The following RYR2 variants were observed in gnomAD, a reference collection of about 807,000 sequenced individuals.
RYR2 encodes the protein ryanodine receptor 2.
Under a neutral mutation model 601.1 loss-of-function variants are expected in RYR2, and 227 were observed. The observed-to-expected ratio is 0.38, with a 90% confidence interval of 0.34 to 0.42. The LOEUF (loss-of-function observed/expected upper bound fraction) is 0.42. Among genes scored for constraint, RYR2 ranks in the 10% least tolerant of loss-of-function variants. The pLI, the probability that RYR2 is intolerant of heterozygous loss-of-function variation, is 1.00. For synonymous variants in RYR2, 2,223 were observed against 2,175.1 expected, an observed-to-expected ratio of 1.02 and a Z score of -0.61; for missense variants, 4,646 against 6,156.5, an observed-to-expected ratio of 0.75 and a Z score of 8.21.
chr1:237,398,520 A>G (rs1405137652), intron 10 of RYR2, among the ~76,000 whole-genome samples: 2 of 152,240 alleles, frequency 1.3e-5, no homozygotes, highest in Non-Finnish European at 2.9e-5. Context: ...CAGCATTATG[A>G]CCCATTATAG....
intron 1 of RYR2, among the ~76,000 whole-genome samples, chr1:237,096,238 C>T (rs1045179903): frequency 6.6e-6 from 1 of 152,126 alleles, no homozygotes; most frequent in African/African-American, 2.4e-5. Context: ...GAGTGCTGTC[C>T]AATTGCCAGT....
intron 1 of RYR2, among the ~76,000 whole-genome samples, chr1:237,161,700 T>C (rs1212783975): frequency 6.6e-6 from 1 of 152,154 alleles, no homozygotes. Context: ...CAAATATTCT[T>C]ATTAATTAAA....
At chr1:237,659,401 A>T (rs192785372) in intron 54 of RYR2, among the ~76,000 whole-genome samples, 14 of 152,332 alleles carry the variant, frequency 9.2e-5, no homozygotes, top group Admixed American at 8.5e-4. Context: ...ACAAGAAATT[A>T]TATAGGGAAA....
intron 3 of RYR2, among the ~76,000 whole-genome samples, chr1:237,341,461 C>A (rs1226867820): frequency 6.6e-6 from 1 of 152,142 alleles, no homozygotes; most frequent in Non-Finnish European, 1.5e-5. Flanking sequence ...AACACTCCTT[C>A]CTGCATTTTT....
chr1:237,832,776 C>G lies in RYR2; in HGVS notation c.*129C>G, dbSNP rs16835891. On this transcript the variant is annotated 3_prime_UTR_variant, in exon 105 of 105. Transcript: ENST00000366574. ...AGCGTTGTGTGTTTTCTGGGAGCAT[C>G]GAAGCTCTGTTTCGGAAGAGCTGTT... 18,538 of 552,284 alleles carry G rather than the reference C, an allele frequency of 0.034. 426 individuals carry two copies. Among genetic ancestry groups the G allele is most frequent in the African/African-American group, 0.072 (3,789 of 52,776 alleles). 34.2% of individuals were successfully genotyped at this position (552,284 alleles called of 1,614,324 possible).
chr1:237,175,302 C>T (rs1472681407), intron 1 of RYR2, among the ~76,000 whole-genome samples: 1 of 152,068 alleles, frequency 6.6e-6, no homozygotes. Flanking sequence ...ATAATTTCTC[C>T]TCTTTATTTT....
chr1:237,111,543 G>A (rs909304503), intron 1 of RYR2, among the ~76,000 whole-genome samples: 2 of 149,048 alleles, frequency 1.3e-5, no homozygotes, highest in Non-Finnish European at 3.0e-5. Context: ...AGCTGAGGTC[G>A]TGCCGCTGCA....
At chr1:237,253,573 C>G (rs1687679280) in intron 1 of RYR2, among the ~76,000 whole-genome samples, 1 of 152,210 alleles carries the variant, frequency 6.6e-6, no homozygotes, top group African/African-American at 2.4e-5. Context: ...TGCAAGCTAA[C>G]CTTTGATTTC....
intron 16 of RYR2, among the ~76,000 whole-genome samples, chr1:237,463,642 A>G (rs542153789): frequency 1.3e-5 from 2 of 152,266 alleles, no homozygotes; most frequent in East Asian, 3.9e-4. Flanking sequence ...GGAGTTGGAG[A>G]CCATCCTAGG....
intron 94 of RYR2, among the ~76,000 whole-genome samples, 195 bp from the exon 95 acceptor site, chr1:237,793,672 C>A (rs991838538): frequency 6.6e-6 from 1 of 152,192 alleles, no homozygotes; most frequent in African/African-American, 2.4e-5. Flanking sequence ...AATATCTATT[C>A]TATCTTCTGT....
intron 25 of RYR2, 56 bp downstream of exon 25, chr1:237,530,566 A>G (rs1396781948): frequency 1.6e-6 from 2 of 1,275,186 alleles, no homozygotes; most frequent in Non-Finnish European, 2.2e-6. Flanking sequence ...TAGTGCAACC[A>G]AATAACTCTT....
intron 1 of RYR2, among the ~76,000 whole-genome samples, chr1:237,157,295 C>CAAAAAAAAAA (rs33922740): frequency 1.2e-3 from 74 of 63,508 alleles, no homozygotes; most frequent in Non-Finnish European, 1.5e-3. Flanking sequence ...GACTCCATCT[C>CAAAAAAAAAA]AAAAAAAAAA....
At chr1:237,274,995 C>A (rs1253796587) in intron 2 of RYR2, among the ~76,000 whole-genome samples, 3 of 151,806 alleles carry the variant, frequency 2.0e-5, no homozygotes, top group African/African-American at 7.3e-5. Context: ...ATGATAAGAT[C>A]ACCTGATGAC....
intron 17 of RYR2, among the ~76,000 whole-genome samples, chr1:237,479,519 A>G (rs973109511): frequency 5.2e-5 from 5 of 96,294 alleles, no homozygotes; most frequent in African/African-American, 2.6e-4. Flanking sequence ...TTTCTGCCCA[A>G]AATGATAGCT....
chr1:237,293,512 C>G (rs1692453653), intron 2 of RYR2, among the ~76,000 whole-genome samples: 1 of 152,154 alleles, frequency 6.6e-6, no homozygotes, highest in South Asian at 2.1e-4. Context: ...CGGCCTGCCC[C>G]TACTTCAGAT....
intron 53 of RYR2, 26 bp from the exon 54 acceptor site, chr1:237,657,918 C>T (rs1325405869): frequency 1.6e-6 from 2 of 1,252,504 alleles, no homozygotes; most frequent in East Asian, 5.6e-5. Flanking sequence ...GAAAATCAAG[C>T]TCTTTTGTCT....
intron 2 of RYR2, among the ~76,000 whole-genome samples, chr1:237,294,425 A>G (rs1263990820): frequency 1.3e-5 from 2 of 151,962 alleles, no homozygotes; most frequent in African/African-American, 2.4e-5. Flanking sequence ...AGGATAGGCT[A>G]AGTTATGCTT....
chr1:237,262,449 G>GT (rs1361051768), intron 1 of RYR2, among the ~76,000 whole-genome samples: 1 of 151,610 alleles, frequency 6.6e-6, no homozygotes, highest in Admixed American at 6.6e-5. Context: ...TAGAGATGGG[G>GT]TTTCACCATG....
At chr1:237,794,821 T>C (rs1335729175) in intron 95 of RYR2, among the ~76,000 whole-genome samples, 3 of 152,232 alleles carry the variant, frequency 2.0e-5, no homozygotes, top group Non-Finnish European at 2.9e-5. Flanking sequence ...TCAGTCCCTT[T>C]AGGCAAACTC....
Sources: allele counts gnomAD v4.1 joint callset (sites outside exome capture counted in the v4.1 genomes callset), GRCh38; gene constraint gnomAD v4.1.1; transcripts MANE v1.5; gene names NCBI Gene and HGNC (gene_info 2026-07-23, HGNC 2026-07-21).